Variants in CYTL1 observed in about 807,000 individuals in gnomAD.
The protein encoded by CYTL1 is cytokine-like protein 1.
CYTL1 carries 17 observed loss-of-function variants against 13.1 expected under a neutral mutation model. That is an observed-to-expected ratio of 1.29 (90% CI 0.89 to 1.94). CYTL1 has a LOEUF of 1.94. Ranked by LOEUF, CYTL1 falls within the 30% of genes most tolerant of loss-of-function variation. The probability of loss-of-function intolerance (pLI) is 0.00; values close to 1 mark genes in which losing one functional copy is unlikely to be tolerated. For missense variants in CYTL1, 213 were observed against 174.8 expected (o/e 1.22, Z -1.23); for synonymous variants, 91 against 79.4 (o/e 1.15, Z -0.78).
chr4:5,016,355 C>T (rs1741071965), intron 3 of CYTL1, among the ~76,000 whole-genome samples: 1 of 152,216 alleles, frequency 6.6e-6, no homozygotes, highest in African/African-American at 2.4e-5. Flanking sequence ...CTAAGACAGG[C>T]ACTCCCACTT....
Position 5,019,399 on chromosome 4 carries a change from C to T in CYTL1, c.47G>A (p.Gly16Glu). 6.7e-7 allele frequency: 1 copy of T among 1,494,212 alleles called. No homozygotes were observed. Among genetic ancestry groups the T allele is most frequent in the Non-Finnish European group, 8.8e-7 (1 of 1,130,296 alleles). 92.6% of individuals were successfully genotyped at this position (1,494,212 alleles called of 1,614,324 possible). Residue 16 changes from glycine (G) to glutamate (E), a missense_variant, in exon 1 of 4, where the codon GGA becomes GAA. By Grantham distance (98) the Gly-to-Glu change is moderately conservative. Transcript: ENST00000307746. ...GGGAGTGGGCCGCGCGGCGGGGGCTCCCGCCAGGAGCAGCAGCAGCACGGG... is the reference window on the plus strand; with the variant it reads ...GGGAGTGGGCCGCGCGGCGGGGGCTTCCGCCAGGAGCAGCAGCAGCACGGG... ...PLPVLLLLLA[G>E]APAARPTPPT... is the part of the protein sequence containing the mutation.
rs1256580855 is a variant in CYTL1 at position 5,014,720 on chromosome 4, G to A, written c.*431C>T. ...AAATGAAAGACAGTGAAGAAAGTCT[G>A]TGTTAGAAAAAGGCATAATAGAAGC... is the stretch of plus-strand genomic sequence containing the variant. On this transcript the variant is annotated 3_prime_UTR_variant, in exon 4 of 4. Coordinates refer to ENST00000307746, the MANE Select transcript of CYTL1 (RefSeq NM_018659.3). 2.2e-5 allele frequency: 4 copies of A among 179,792 alleles called. No individual in the cohort carries two copies. The East Asian group carries it at 7.2e-4, about 32-fold the overall frequency. The allele number at this position is 179,792 out of a possible 1,614,324, so 11.1% of individuals were successfully genotyped here. A position where few individuals can be genotyped will look rare whatever the true frequency, so the allele number is the denominator to read the frequency against.
intron 3 of CYTL1, among the ~76,000 whole-genome samples, chr4:5,015,475 AC>A (rs1177972804): frequency 6.9e-6 from 1 of 144,462 alleles, no homozygotes; most frequent in Non-Finnish European, 1.5e-5. Context: ...TGGAATTCAC[AC>A]ATACATTGAT....
intron 3 of CYTL1, among the ~76,000 whole-genome samples, chr4:5,016,127 A>G (rs2108733044): frequency 6.6e-6 from 1 of 152,302 alleles, no homozygotes; most frequent in South Asian, 2.1e-4. Context: ...TGCTTATTGC[A>G]GGGGTGGCTT....
rs772817392 is a variant in CYTL1 at position 5,016,940 on chromosome 4, G to A, written c.223C>T (p.Arg75Trp). ...IHNYCVLDKLRDFVASPPCWK... is the reference protein window; with the variant it reads ...IHNYCVLDKLWDFVASPPCWK... ...CACGGGGGCGAGGCCACAAAGTCCC[G>A]CAGCTTGTCCAGCACACAGTAATTC... The change falls in exon 3 of 4, where the codon CGG becomes TGG. Residue 75 changes from arginine (R) to tryptophan (W), a missense_variant. Coordinates refer to ENST00000307746, the MANE Select transcript of CYTL1 (RefSeq NM_018659.3). The A allele has an allele frequency of 5.3e-5, 85 of 1,614,080 alleles. No individual in the cohort carries two copies. The South Asian group carries it at 5.4e-4, about 10-fold the overall frequency.
intron 3 of CYTL1, among the ~76,000 whole-genome samples, chr4:5,016,475 C>A (rs972738873): frequency 1.3e-5 from 2 of 152,148 alleles, no homozygotes; most frequent in Non-Finnish European, 2.9e-5. Flanking sequence ...GATTTTCTGT[C>A]CTTTTACCCT....
At chr4:5,016,283 C>G (rs1273478778) in intron 3 of CYTL1, among the ~76,000 whole-genome samples, 2 of 152,150 alleles carry the variant, frequency 1.3e-5, no homozygotes, top group Non-Finnish European at 1.5e-5. Flanking sequence ...GCTAAACAAA[C>G]ATCTTTTTTT....
In CYTL1 at chr4:5,015,107, C is replaced by T; in HGVS notation, c.*44G>A. 3 of 1,538,092 alleles carry T rather than the reference C, an allele frequency of 2.0e-6. No homozygotes were observed. Among genetic ancestry groups the T allele is most frequent in the Non-Finnish European group, 2.7e-6 (3 of 1,112,778 alleles). On this transcript the variant is annotated 3_prime_UTR_variant, in exon 4 of 4. Transcript: ENST00000307746. ...TGGCCCATTAAGTCTGGGTAGCTGACATAACTGTAGTTCTCTTGGGTTCTT... is the reference window on the plus strand; with the variant it reads ...TGGCCCATTAAGTCTGGGTAGCTGATATAACTGTAGTTCTCTTGGGTTCTT...
chr4:5,015,095 C>G lies in CYTL1; in HGVS notation c.*56G>C. ...GGGTCATGGCTCTGGCCCATTAAGTCTGGGTAGCTGACATAACTGTAGTTC... is the reference window on the plus strand; with the variant it reads ...GGGTCATGGCTCTGGCCCATTAAGTGTGGGTAGCTGACATAACTGTAGTTC... On this transcript the variant is annotated 3_prime_UTR_variant, in exon 4 of 4. Transcript: ENST00000307746. The G allele has an allele frequency of 7.0e-6, 10 of 1,437,792 alleles. No individual in the cohort carries two copies. In the South Asian group the frequency reaches 1.2e-4, roughly 17 times the overall value. The allele number at this position is 1,437,792 out of a possible 1,614,324, so 89.1% of individuals were successfully genotyped here.
intron 1 of CYTL1, among the ~76,000 whole-genome samples, chr4:5,018,067 C>T (rs1199339974): frequency 1.3e-5 from 2 of 152,146 alleles, no homozygotes; most frequent in East Asian, 1.9e-4. Flanking sequence ...TGTCTATATT[C>T]GATAACAAGA....
chr4:5,019,326 G>T lies in CYTL1; in HGVS notation c.120C>A (p.Arg40=). The stretch of plus-strand genomic sequence containing the variant: ...CCGAGACCTGCAGGAGGTTGAAGTC[G>T]CGGGTGATCTCCTGGCTCAGGGCCC... ...RMRALSQEIT[R]DFNLLQVSEP... Residue 40 remains arginine, a synonymous_variant, in exon 1 of 4, where the codon CGC becomes CGA. Transcript: ENST00000307746. The T allele has an allele frequency of 6.6e-7, 1 of 1,512,922 alleles. No individual in the cohort carries two copies. The highest frequency in any genetic ancestry group is 2.7e-5 in the East Asian group (1 of 36,982). 93.7% of individuals were successfully genotyped at this position (1,512,922 alleles called of 1,614,324 possible). A position where few individuals can be genotyped will look rare whatever the true frequency, so the allele number is the denominator to read the frequency against.
In CYTL1 at chr4:5,015,157, C is replaced by T. The variant is rs1325194934; in HGVS notation, c.405G>A (p.Gln135=). The T allele has an allele frequency of 6.2e-7, 1 of 1,613,842 alleles. No individual in the cohort carries two copies. The highest frequency in any genetic ancestry group is 8.5e-7 in the Non-Finnish European group (1 of 1,179,880). Residue 135 remains glutamine, a synonymous_variant, in exon 4 of 4, where the codon CAG becomes CAA. Transcript: ENST00000307746. The stretch of plus-strand genomic sequence containing the variant: ...TTCTCTGGTCTCAGTTCCCTTAGCG[C>T]TGACGATCTGGCAGGACCGTAGTCA... ...IPVTTVLPDR[Q]R
At chr4:5,017,544 T>C (rs1229007520) in intron 1 of CYTL1, among the ~76,000 whole-genome samples, 3 of 151,762 alleles carry the variant, frequency 2.0e-5, no homozygotes, top group Non-Finnish European at 4.4e-5. Context: ...AGAGTATATA[T>C]GTACATCTAT....
At position 5,015,225 on chromosome 4, in the gene CYTL1, A is replaced by C; in HGVS notation, c.337T>G (p.Phe113Val). ...MNSFCRRDLV[F>V]LLDDCNALEY... The stretch of plus-strand genomic sequence containing the variant: ...AAGGCATTGCAGTCATCCAACAGGA[A>C]TACCAAATCCTGAAAAAGATGTGCA... The change falls in exon 4 of 4, where the codon TTC (phenylalanine) becomes GTC (valine). Residue 113 changes from phenylalanine (F) to valine (V), a missense_variant. Transcript: ENST00000307746. 1 of 1,612,828 alleles carries C rather than the reference A, an allele frequency of 6.2e-7. No homozygotes were observed. Among genetic ancestry groups the C allele is most frequent in the Non-Finnish European group, 8.5e-7 (1 of 1,179,380 alleles).
At chr4:5,018,063 T>C (rs982885007) in intron 1 of CYTL1, among the ~76,000 whole-genome samples, 2 of 152,262 alleles carry the variant, frequency 1.3e-5, no homozygotes, top group Non-Finnish European at 2.9e-5. Context: ...TTGCTGTCTA[T>C]ATTCGATAAC....
At position 5,019,434 on chromosome 4, in the gene CYTL1, A is replaced by C. The variant is rs190051630; in HGVS notation, c.12T>G (p.Pro4=). 4.8e-3 allele frequency: 7,020 copies of C among 1,474,462 alleles called. 25 individuals carry two copies. The highest frequency in any genetic ancestry group is 7.6e-3 in the Middle Eastern group (34 of 4,448). 91.3% of individuals were successfully genotyped at this position (1,474,462 alleles called of 1,614,324 possible). Reference sequence around the variant, plus strand: ...GCAGCAGCAGCACGGGCAGAGGCCCAGGCGTCCTCATGGTGCCAGGCGCTG... The same window carrying C: ...GCAGCAGCAGCACGGGCAGAGGCCCCGGCGTCCTCATGGTGCCAGGCGCTG... The part of the protein sequence containing the change: MRT[P]GPLPVLLLLL... The change falls in exon 1 of 4, where the codon CCT becomes CCG. Residue 4 remains proline (P), a synonymous_variant. Transcript: ENST00000307746.
chr4:5,015,776 T>A (rs968478560), intron 3 of CYTL1, among the ~76,000 whole-genome samples: 2 of 152,222 alleles, frequency 1.3e-5, no homozygotes, highest in Admixed American at 1.3e-4. Flanking sequence ...GAGCTTACTC[T>A]GGGCTAGGCA....
chr4:5,018,988 T>A (rs1247256672), intron 1 of CYTL1, among the ~76,000 whole-genome samples: 4 of 147,454 alleles, frequency 2.7e-5, no homozygotes, highest in Non-Finnish European at 5.9e-5. Flanking sequence ...TCCCACTCCT[T>A]TTTTTTTCTT....
At chr4:5,017,486 G>A (rs981047243) in intron 1 of CYTL1, among the ~76,000 whole-genome samples, 2 of 151,970 alleles carry the variant, frequency 1.3e-5, no homozygotes, top group East Asian at 1.9e-4. Flanking sequence ...TCCTATAACT[G>A]TAATATAGAA....
Sources: allele counts gnomAD v4.1 joint callset (sites outside exome capture counted in the v4.1 genomes callset), GRCh38; gene constraint gnomAD v4.1.1; transcripts MANE v1.5; gene names NCBI Gene and HGNC (gene_info 2026-07-23, HGNC 2026-07-21).